The following OGG1 variants were observed in gnomAD, a reference collection of about 807,000 sequenced individuals.
OGG1 encodes N-glycosylase/DNA lyase.
In OGG1, 35 loss-of-function variants were observed where a neutral mutation model predicts 42.3. The ratio of observed to expected loss-of-function variants is 0.83; its 90% CI spans 0.63 to 1.10. The LOEUF (loss-of-function observed/expected upper bound fraction) is 1.10. OGG1 is among the 50% of genes least tolerant of loss of function. OGG1 has a pLI of 0.00. For synonymous variants in OGG1, 189 were observed against 179.0 expected, an observed-to-expected ratio of 1.06 and a Z score of -0.44; for missense variants, 484 against 446.7, an observed-to-expected ratio of 1.08 and a Z score of -0.75.
intron 3 of OGG1, among the ~76,000 whole-genome samples, chr3:9,785,051 A>G (rs1038638491): frequency 1.3e-5 from 2 of 152,162 alleles, no homozygotes; most frequent in Admixed American, 1.3e-4. Flanking sequence ...TTATTTCATC[A>G]TATGGAGTTA....
chr3:9,782,868 G>A (rs1349562044), intron 3 of OGG1, among the ~76,000 whole-genome samples: 2 of 151,466 alleles, frequency 1.3e-5, no homozygotes, highest in Non-Finnish European at 2.9e-5. Flanking sequence ...CACAGCACTT[G>A]TCTGTGAGAA....
rs572024750 is a variant in OGG1 at position 9,754,720 on chromosome 3, T to C, written c.582T>C (p.Ala194=). The part of the protein sequence containing the change: ...LQALAGPEVE[A]HLRKLGLGYR... ...TCCCCGCAGGGCCAGAGGTGGAGGC[T>C]CATCTCAGGAAGCTGGGCCTGGGCT... The change falls in exon 4 of 7, where the codon GCT becomes GCC. Residue 194 remains alanine (A), a synonymous_variant. Coordinates refer to ENST00000344629, the MANE Select transcript of OGG1 (RefSeq NM_002542.6). 6.2e-7 allele frequency: 1 copy of C among 1,614,126 alleles called. No individual in the cohort carries two copies. Among genetic ancestry groups the C allele is most frequent in the Non-Finnish European group, 8.5e-7 (1 of 1,180,020 alleles).
At position 9,787,560 on chromosome 3, in the gene OGG1, C is replaced by T; in HGVS notation, c.383-168C>T. 23 of 981,436 alleles carry T rather than the reference C, an allele frequency of 2.3e-5. No individual in the cohort carries two copies. In the South Asian group the frequency reaches 3.9e-4, roughly 17 times the overall value. The allele number at this position is 981,436 out of a possible 1,614,324, so 60.8% of individuals were successfully genotyped here. ...AAGAACTAAGACACACACACAGAAG[C>T]CAATCTGAAATAATTCCCAAGATAG... On this transcript the variant is annotated intron_variant, in intron 3 of 3. Coordinates refer to the OGG1 transcript ENST00000426518.
chr3:9,784,195 G>T, intron 3 of OGG1: 1 of 1,613,544 alleles, frequency 6.2e-7, no homozygotes, highest in Non-Finnish European at 8.5e-7. Context: ...GGCTCTCCAG[G>T]GACTTAGTAT....
chr3:9,756,992 C>T (rs1329003727), intron 6 of OGG1, 69 bp from the exon 7 acceptor site: 1 of 1,613,046 alleles, frequency 6.2e-7, no homozygotes, highest in South Asian at 1.1e-5. Context: ...CCTCCCAACA[C>T]TGTCACTAGT....
At chr3:9,767,596 G>A (rs2078189116), downstream of OGG1, 3 of 1,590,000 alleles carry the variant, frequency 1.9e-6, no homozygotes, top group Non-Finnish European at 1.7e-6. Flanking sequence ...AGCATTAATT[G>A]ACCAGAGGAA....
chr3:9,789,454 G>A, downstream of OGG1: 1 of 1,507,452 alleles, frequency 6.6e-7, no homozygotes, highest in Non-Finnish European at 9.1e-7. Flanking sequence ...TACTTCTCAG[G>A]CACCTCTGAA....
downstream of OGG1, among the ~76,000 whole-genome samples, chr3:9,788,602 C>T (rs941369079): frequency 6.6e-5 from 10 of 151,546 alleles, no homozygotes; most frequent in South Asian, 8.4e-4. Context: ...TACAGTGGCA[C>T]GATCTTGGCT....
exon 8 of OGG1, chr3:9,765,967 G>T (rs890493476): frequency 6.2e-7 from 1 of 1,614,144 alleles, no homozygotes; most frequent in Non-Finnish European, 8.5e-7. Flanking sequence ...TTCCCTATGG[G>T]TTCTGTGACC....
downstream of OGG1, chr3:9,761,877 T>TTG: frequency 7.0e-7 from 1 of 1,435,510 alleles, no homozygotes; most frequent in Non-Finnish European, 9.2e-7. Context: ...TGTGGCTTCA[T>TTG]GGCTGTCATA....
chr3:9,771,763 C>G (rs1017851683), intron 2 of OGG1, among the ~76,000 whole-genome samples: 33 of 152,042 alleles, frequency 2.2e-4, no homozygotes, highest in Admixed American at 5.9e-4. Context: ...GACAACACCC[C>G]CTGGGTGATA....
chr3:9,778,774 G>A (rs943611122), intron 2 of OGG1, among the ~76,000 whole-genome samples: 7 of 152,198 alleles, frequency 4.6e-5, no homozygotes, highest in Non-Finnish European at 8.8e-5. Context: ...TAGAGGGATT[G>A]GCACTTGACT....
intron 6 of OGG1, 69 bp downstream of exon 6, chr3:9,756,885 A>C: frequency 6.2e-7 from 1 of 1,612,118 alleles, no homozygotes; most frequent in Non-Finnish European, 8.5e-7. Flanking sequence ...CTCTTCCACC[A>C]CCGCCCCAGG....
intron 2 of OGG1, among the ~76,000 whole-genome samples, chr3:9,776,631 C>T (rs923779651): frequency 4.6e-5 from 7 of 152,224 alleles, no homozygotes; most frequent in South Asian, 2.1e-4. Context: ...CCTCGTGATC[C>T]GCCCGCCTCG....
In OGG1 at chr3:9,765,200, C is replaced by T. The variant is rs146018083; in HGVS notation, c.1049-609C>T. Reference sequence around the variant, plus strand: ...CAAGATTGCGTCACTGCACTCCAGCCGGGGCAACAGAGTGAGACTCCATCT... The same window carrying T: ...CAAGATTGCGTCACTGCACTCCAGCTGGGGCAACAGAGTGAGACTCCATCT... On this transcript the variant is annotated intron_variant, in intron 7 of 7. Transcript: ENST00000302008. Among the ~76,000 whole-genome samples, 703 of 149,926 alleles carry T rather than the reference C, an allele frequency of 4.7e-3. 12 individuals carry two copies. The East Asian group carries it at 0.054, about 12-fold the overall frequency.
chr3:9,767,822 C>G (rs1479195418), downstream of OGG1: 4 of 1,588,016 alleles, frequency 2.5e-6, no homozygotes, highest in East Asian at 6.8e-5. Context: ...CAGAGCCCAG[C>G]CCTCTGTCTG....
intron 2 of OGG1, among the ~76,000 whole-genome samples, chr3:9,775,148 G>A (rs1316713420): frequency 6.6e-6 from 1 of 151,934 alleles, no homozygotes; most frequent in African/African-American, 2.4e-5. Context: ...GTTGAGGCAG[G>A]AGAATCACTT....
downstream of OGG1, among the ~76,000 whole-genome samples, chr3:9,771,030 T>G (rs1356984629): frequency 6.6e-6 from 1 of 151,942 alleles, no homozygotes; most frequent in Non-Finnish European, 1.5e-5. Flanking sequence ...TCTTTTTTTC[T>G]TTTTCTTTTT....
intron 2 of OGG1, chr3:9,781,404 C>G (rs2078460571): frequency 7.0e-6 from 3 of 427,112 alleles, no homozygotes; most frequent in African/African-American, 6.1e-5. Flanking sequence ...CATATGTTAC[C>G]CGTGAGGAAA....
Sources: allele counts gnomAD v4.1 joint callset (sites outside exome capture counted in the v4.1 genomes callset), GRCh38; gene constraint gnomAD v4.1.1; transcripts MANE v1.5; gene names NCBI Gene and HGNC (gene_info 2026-07-23, HGNC 2026-07-21).